HMBOX1: variants seen among roughly 807,000 people sequenced by gnomAD.
HMBOX1 encodes homeobox-containing protein 1.
HMBOX1 carries 14 observed loss-of-function variants against 54.5 expected under a neutral mutation model. That is an observed-to-expected ratio of 0.26 (90% CI 0.17 to 0.40). The LOEUF is 0.40. HMBOX1 is among the 10% of genes least tolerant of loss of function. The pLI, the probability that HMBOX1 is intolerant of heterozygous loss-of-function variation, is 1.00. For missense variants in HMBOX1, 332 were observed against 514.4 expected, an observed-to-expected ratio of 0.65 and a Z score of 3.43; for synonymous variants, 160 against 181.0, an observed-to-expected ratio of 0.88 and a Z score of 0.93.
intron 4 of HMBOX1, among the ~76,000 whole-genome samples, chr8:28,991,634 G>A (rs950947840): frequency 6.6e-6 from 1 of 152,130 alleles, no homozygotes; most frequent in African/African-American, 2.4e-5. Flanking sequence ...TTCATTTAAT[G>A]TTCTGTGTCA....
intron 4 of HMBOX1, among the ~76,000 whole-genome samples, chr8:29,000,286 A>G (rs1035286582): frequency 1.3e-5 from 2 of 152,054 alleles, no homozygotes; most frequent in African/African-American, 2.4e-5. Context: ...GTAAACCTTC[A>G]CTTTCTCTTT....
intron 4 of HMBOX1, among the ~76,000 whole-genome samples, chr8:29,007,332 C>T (rs1833611112): frequency 6.6e-6 from 1 of 151,822 alleles, no homozygotes; most frequent in Admixed American, 6.6e-5. Flanking sequence ...AAAAAATAAC[C>T]ATAATGTCTG....
At chr8:29,000,476 T>G (rs2132711426) in intron 4 of HMBOX1, among the ~76,000 whole-genome samples, 1 of 152,376 alleles carries the variant, frequency 6.6e-6, no homozygotes, top group South Asian at 2.1e-4. Context: ...TCCACTTCTC[T>G]GTTGAAATAT....
chr8:28,925,363 GT>G (rs556371690), intron 1 of HMBOX1, among the ~76,000 whole-genome samples: 18 of 151,850 alleles, frequency 1.2e-4, no homozygotes, highest in Non-Finnish European at 2.5e-4. Context: ...AAACTGTTTT[GT>G]TTTTTTTCTT....
intron 4 of HMBOX1, among the ~76,000 whole-genome samples, chr8:28,981,996 G>A (rs576418355): frequency 1.8e-4 from 27 of 152,198 alleles, no homozygotes; most frequent in Admixed American, 3.3e-4. Flanking sequence ...CCAGCACTTT[G>A]GGAGGCCGAG....
rs965687764 is a variant in HMBOX1 at position 29,052,169 on chromosome 8, C to T, written c.*1014C>T. On this transcript the variant is annotated 3_prime_UTR_variant, in exon 10 of 10. Transcript: ENST00000287701. Reference sequence around the variant, plus strand: ...ACTTGCAGTGTTTGTATCCATTAAACGGAAGCCCCCTCACTCTGAGAGGTC... The same window carrying T: ...ACTTGCAGTGTTTGTATCCATTAAATGGAAGCCCCCTCACTCTGAGAGGTC... 2.0e-5 allele frequency: 3 copies of T among 152,988 alleles called. No homozygotes were observed. The highest frequency in any genetic ancestry group is 1.9e-4 in the East Asian group (1 of 5,206). The allele number at this position is 152,988 out of a possible 1,614,324, so 9.5% of individuals were successfully genotyped here.
chr8:28,977,294 C>G (rs1450399633), intron 3 of HMBOX1, among the ~76,000 whole-genome samples: 1 of 152,112 alleles, frequency 6.6e-6, no homozygotes, highest in African/African-American at 2.4e-5. Flanking sequence ...ATTCTTTTCC[C>G]CCACAAAAGT....
At position 28,963,888 on chromosome 8, in the gene HMBOX1, G is replaced by T; in HGVS notation, c.21G>T (p.Val7=). Residue 7 remains valine (V), a splice_region_variant and synonymous_variant, in exon 2 of 10, where the codon GTG becomes GTT. Coordinates refer to ENST00000287701, the MANE Select transcript of HMBOX1 (RefSeq NM_001135726.3). The part of the protein sequence containing the change: MLSSFP[V]VLLETMSHYT... ...AAAGTATGCTTAGTTCCTTTCCAGTGGTGTAAGTATCAAGTCCTTTTTGAT... is the reference window on the plus strand; with the variant it reads ...AAAGTATGCTTAGTTCCTTTCCAGTTGTGTAAGTATCAAGTCCTTTTTGAT... 6 of 1,601,224 alleles carry T rather than the reference G, an allele frequency of 3.7e-6. 1 individual carries two copies. Among genetic ancestry groups the T allele is most frequent in the East Asian group, 2.2e-5 (1 of 44,668 alleles).
At chr8:28,902,030 A>G (rs1352198133) in intron 1 of HMBOX1, among the ~76,000 whole-genome samples, 1 of 152,178 alleles carries the variant, frequency 6.6e-6, no homozygotes, top group Non-Finnish European at 1.5e-5. Context: ...TTACATACTC[A>G]ATCATTATTG....
intron 1 of HMBOX1, among the ~76,000 whole-genome samples, chr8:28,960,765 CTTTTTTTTTT>C (rs1162477676): frequency 6.2e-5 from 1 of 16,260 alleles, no homozygotes; most frequent in Admixed American, 1.0e-3. Context: ...TTTTCTTTTT[CTTTTTTTTTT>C]TTTTTTTTTT....
chr8:28,934,913 C>T (rs1820127688), intron 1 of HMBOX1, among the ~76,000 whole-genome samples: 1 of 140,340 alleles, frequency 7.1e-6, no homozygotes, highest in Non-Finnish European at 1.5e-5. Flanking sequence ...GGCGACAGAG[C>T]GAGACTCCGT....
chr8:28,991,462 G>A (rs1483547058), intron 4 of HMBOX1, among the ~76,000 whole-genome samples: 1 of 152,132 alleles, frequency 6.6e-6, no homozygotes, highest in African/African-American at 2.4e-5. Flanking sequence ...AAAATATTGA[G>A]TGGCCTATCT....
chr8:28,898,959 A>G (rs929937011), intron 1 of HMBOX1, among the ~76,000 whole-genome samples: 5 of 152,216 alleles, frequency 3.3e-5, no homozygotes, highest in Non-Finnish European at 5.9e-5. Flanking sequence ...GGTGTTGAAC[A>G]AGGCACTCAG....
At chr8:29,044,423 A>G (rs540065850) in intron 6 of HMBOX1, among the ~76,000 whole-genome samples, 1 of 152,292 alleles carries the variant, frequency 6.6e-6, no homozygotes, top group South Asian at 2.1e-4. Flanking sequence ...TCCCACATGC[A>G]GTCTGATGGG....
intron 6 of HMBOX1, among the ~76,000 whole-genome samples, chr8:29,038,736 A>G (rs570121738): frequency 6.6e-6 from 1 of 152,106 alleles, no homozygotes; most frequent in East Asian, 2.0e-4. Context: ...AGCCATCATC[A>G]CAGCTGCCTA....
At chr8:28,903,559 T>G (rs1813655165) in intron 1 of HMBOX1, among the ~76,000 whole-genome samples, 1 of 152,228 alleles carries the variant, frequency 6.6e-6, no homozygotes, top group South Asian at 2.1e-4. Flanking sequence ...ATCCTGTGCT[T>G]CTGTCTTGAT....
At chr8:28,910,951 C>T (rs893353930) in intron 1 of HMBOX1, among the ~76,000 whole-genome samples, 2 of 152,134 alleles carry the variant, frequency 1.3e-5, no homozygotes, top group African/African-American at 4.8e-5. Flanking sequence ...TGCTTCAGCT[C>T]TATTTCAGAA....
intron 1 of HMBOX1, among the ~76,000 whole-genome samples, chr8:28,953,479 T>A (rs559717981): frequency 1.3e-5 from 2 of 152,220 alleles, no homozygotes; most frequent in African/African-American, 4.8e-5. Flanking sequence ...AACATGACTT[T>A]AACTTCTCGA....
chr8:28,997,113 G>A (rs1387024373), intron 4 of HMBOX1, among the ~76,000 whole-genome samples: 1 of 151,768 alleles, frequency 6.6e-6, no homozygotes, highest in East Asian at 1.9e-4. Flanking sequence ...TCTTTATCTT[G>A]CCTTCTAGCT....
Sources: gnomAD v4.1 joint callset for allele counts (sites outside exome capture counted in the v4.1 genomes callset) on GRCh38, gnomAD v4.1.1 for gene constraint, MANE v1.5 for transcripts, NCBI Gene and HGNC (gene_info 2026-07-23, HGNC 2026-07-21) for gene names.